Variants in ADCY1 observed in about 807,000 individuals in gnomAD.
ADCY1 encodes adenylate cyclase type 1.
Under a neutral mutation model 105.4 loss-of-function variants are expected in ADCY1, and 28 were observed. That is an observed-to-expected ratio of 0.27 (90% CI 0.20 to 0.36). The LOEUF is 0.36. Ranked by LOEUF, ADCY1 falls within the 10% of genes least tolerant of loss-of-function variation. ADCY1 has a pLI of 1.00. For missense variants in ADCY1, 977 were observed against 1,434.2 expected (o/e 0.68, Z 5.15); for synonymous variants, 655 against 623.8 (o/e 1.05, Z -0.75).
At chr7:45,653,348 T>C (rs1241094706) in intron 5 of ADCY1, among the ~76,000 whole-genome samples, 1 of 152,210 alleles carries the variant, frequency 6.6e-6, no homozygotes, top group Non-Finnish European at 1.5e-5. Flanking sequence ...TCCCAGCTGC[T>C]GCAGCCAGGC....
chr7:45,624,049 C>A (rs968306250), intron 4 of ADCY1, among the ~76,000 whole-genome samples: 1 of 152,164 alleles, frequency 6.6e-6, no homozygotes, highest in Non-Finnish European at 1.5e-5. Context: ...TTCAGCAAGG[C>A]AGCATCTTTT....
chr7:45,612,856 C>G (rs1793627643), intron 3 of ADCY1, among the ~76,000 whole-genome samples: 1 of 152,148 alleles, frequency 6.6e-6, no homozygotes, highest in South Asian at 2.1e-4. Context: ...TAACTTCCCC[C>G]TACTCACCCC....
In ADCY1 at chr7:45,647,080, G is replaced by A. The variant is rs773648241; in HGVS notation, c.1021-1590G>A. Reference sequence around the variant, plus strand: ...GAGAGCCAACTGTATGCCCAACAGCGCCCCCTCCTCTGATGCTGGGCGGTG... The same window carrying A: ...GAGAGCCAACTGTATGCCCAACAGCACCCCCTCCTCTGATGCTGGGCGGTG... On this transcript the variant is annotated intron_variant, in intron 4 of 19. Transcript: ENST00000297323. This position sits in a 1 kb window ranked among gnomAD's most constrained non-coding sequence, Gnocchi z 4.6. Among the ~76,000 whole-genome samples the A allele has an allele frequency of 2.6e-5, 4 of 152,216 alleles. No individual in the cohort carries two copies. The highest frequency in any genetic ancestry group is 4.4e-5 in the Non-Finnish European group (3 of 68,042).
At chr7:45,644,950 A>C (rs1213284040) in intron 4 of ADCY1, among the ~76,000 whole-genome samples, 1 of 152,192 alleles carries the variant, frequency 6.6e-6, no homozygotes, top group Non-Finnish European at 1.5e-5. Flanking sequence ...ATGAGGGCCC[A>C]GGAGGGTTCT....
intron 4 of ADCY1, among the ~76,000 whole-genome samples, chr7:45,634,517 T>G (rs1289058653): frequency 6.6e-6 from 1 of 152,070 alleles, no homozygotes. Flanking sequence ...TTCTTTTTAG[T>G]CTGCTCATAT....
At chr7:45,638,985 C>A (rs1031072457) in intron 4 of ADCY1, among the ~76,000 whole-genome samples, 7 of 152,114 alleles carry the variant, frequency 4.6e-5, no homozygotes, top group Non-Finnish European at 1.5e-5. Context: ...TGAAGTAGGA[C>A]CACATGGGAT....
intron 14 of ADCY1, among the ~76,000 whole-genome samples, chr7:45,687,631 A>G (rs1784710642): frequency 6.6e-6 from 1 of 152,226 alleles, no homozygotes; most frequent in Admixed American, 6.5e-5. Flanking sequence ...TAGTCTTCTT[A>G]TTTTGACACC....
chr7:45,636,980 A>G (rs1222989002), intron 4 of ADCY1, among the ~76,000 whole-genome samples: 1 of 152,194 alleles, frequency 6.6e-6, no homozygotes, highest in Non-Finnish European at 1.5e-5. Context: ...TTACCTTGCC[A>G]TTCGCTTTTT....
intron 11 of ADCY1, among the ~76,000 whole-genome samples, chr7:45,682,972 G>A (rs906922835): frequency 3.3e-5 from 5 of 152,094 alleles, no homozygotes; most frequent in African/African-American, 9.7e-5. Context: ...GAGTGCAGAC[G>A]GTCAGGAAAT....
Position 45,686,777 on chromosome 7 carries a change from TGGCCCTCGGAG to T in ADCY1, c.2454+112_2454+122del, listed in dbSNP as rs1784686350. The T allele has an allele frequency of 1.4e-6, 2 of 1,465,638 alleles. No homozygotes were observed. The allele number at this position is 1,465,638 out of a possible 1,614,324, so 90.8% of individuals were successfully genotyped here. On this transcript the variant is annotated intron_variant, in intron 14 of 19. Transcript: ENST00000297323. This position sits in a 1 kb window ranked among gnomAD's most constrained non-coding sequence, Gnocchi z 4.3. ...CTGCCACAGACACCCACACGCCGTA[TGGCCCTCGGAG>T]GGCCCTCCTCAGCAGCATGCAAGCC... is the stretch of plus-strand genomic sequence containing the variant.
At chr7:45,596,326 G>A (rs1793071092) in intron 2 of ADCY1, among the ~76,000 whole-genome samples, 1 of 152,160 alleles carries the variant, frequency 6.6e-6, no homozygotes, top group African/African-American at 2.4e-5. Flanking sequence ...GGAGTGGATT[G>A]GGGGATGCAC....
chr7:45,700,324 G>A (rs1784973539), intron 14 of ADCY1, among the ~76,000 whole-genome samples: 2 of 152,194 alleles, frequency 1.3e-5, no homozygotes, highest in Non-Finnish European at 2.9e-5. Context: ...TCCCGTCGGT[G>A]GCATGGGTCA....
chr7:45,654,308 C>G (rs912588208), intron 5 of ADCY1, among the ~76,000 whole-genome samples: 1 of 152,200 alleles, frequency 6.6e-6, no homozygotes, highest in Non-Finnish European at 1.5e-5. Context: ...CACATGACCA[C>G]CAAGTATGCA....
intron 4 of ADCY1, among the ~76,000 whole-genome samples, chr7:45,631,906 T>C (rs1794269394): frequency 1.3e-5 from 2 of 152,232 alleles, no homozygotes; most frequent in Admixed American, 1.3e-4. Context: ...TCAGATTTTC[T>C]CCTGTGTTTT....
intron 14 of ADCY1, among the ~76,000 whole-genome samples, chr7:45,690,094 A>G (rs1251813974): frequency 6.6e-6 from 1 of 152,164 alleles, no homozygotes; most frequent in Non-Finnish European, 1.5e-5. Flanking sequence ...TGTGATCCAC[A>G]GGGGCCCTGA....
chr7:45,663,307 G>A (rs1584315786), intron 8 of ADCY1, among the ~76,000 whole-genome samples: 1 of 152,364 alleles, frequency 6.6e-6, no homozygotes, highest in Admixed American at 6.5e-5. Context: ...TGCCGTCTGT[G>A]ACCTTGGTGC....
chr7:45,690,750 T>G (rs570929620), intron 14 of ADCY1, among the ~76,000 whole-genome samples: 1 of 152,374 alleles, frequency 6.6e-6, no homozygotes, highest in African/African-American at 2.4e-5. Context: ...AGAGCCTCTT[T>G]ATGATGGGCT....
Position 45,677,908 on chromosome 7 carries a change from C to T in ADCY1, c.1645C>T (p.Arg549Cys), listed in dbSNP as rs746570916. Reference sequence around the variant, plus strand: ...AACAGCCTCGGAAAAACTCAGAAACCGCTCATCTTTTTCTACCAACGTTGT... The same window carrying T: ...AACAGCCTCGGAAAAACTCAGAAACTGCTCATCTTTTTCTACCAACGTTGT... ...LRTASEKLRN[R>C]SSFSTNVVYT... Residue 549 changes from arginine (R) to cysteine (C), a missense_variant, in exon 9 of 20, where the codon CGC becomes TGC. Coordinates refer to ENST00000297323, the MANE Select transcript of ADCY1 (RefSeq NM_021116.4). The T allele has an allele frequency of 7.4e-6, 12 of 1,613,908 alleles. No homozygotes were observed. Among genetic ancestry groups the T allele is most frequent in the South Asian group, 6.6e-5 (6 of 91,056 alleles).
chr7:45,597,528 CTT>C (rs1793110867), intron 2 of ADCY1, among the ~76,000 whole-genome samples: 1 of 152,216 alleles, frequency 6.6e-6, no homozygotes, highest in Non-Finnish European at 1.5e-5. Context: ...TTACTGCTAA[CTT>C]TTGCAGCAAC....
Sources: allele counts gnomAD v4.1 joint callset (sites outside exome capture counted in the v4.1 genomes callset), GRCh38; gene constraint gnomAD v4.1.1; non-coding constraint Gnocchi (gnomAD v3.1); transcripts MANE v1.5; gene names NCBI Gene and HGNC (gene_info 2026-07-23, HGNC 2026-07-21).